FBRSL1: variants seen among roughly 807,000 people sequenced by gnomAD.
FBRSL1 encodes fibrosin-1-like protein.
Under a neutral mutation model 89.6 loss-of-function variants are expected in FBRSL1, and 51 were observed. The ratio of observed to expected loss-of-function variants is 0.57; its 90% CI spans 0.45 to 0.72. FBRSL1 has a LOEUF of 0.72. Ranked by LOEUF, FBRSL1 falls within the 30% of genes least tolerant of loss-of-function variation. The pLI is 0.00. For synonymous variants in FBRSL1, 779 were observed against 681.1 expected (o/e 1.14, Z -2.24); for missense variants, 1,618 against 1,451.8 (o/e 1.11, Z -1.86).
intron 5 of FBRSL1, chr12:132,565,512 C>CACGTACCCGAGTGTGCTCACGTAT (rs1449779111): frequency 1.1e-4 from 6 of 53,858 alleles, no homozygotes; most frequent in Admixed American, 2.9e-4. Flanking sequence ...TCCTCATGTA[C>CACGTACCCGAGTGTGCTCACGTAT]ACGTACCCGA....
At chr12:132,514,104 C>T (rs1388582620) in intron 2 of FBRSL1, among the ~76,000 whole-genome samples, 2 of 152,200 alleles carry the variant, frequency 1.3e-5, no homozygotes, top group Non-Finnish European at 2.9e-5. Context: ...GCACTGAGGA[C>T]GATGAGCTCC....
chr12:132,505,538 C>T (rs2033577470), intron 1 of FBRSL1, among the ~76,000 whole-genome samples: 1 of 152,244 alleles, frequency 6.6e-6, no homozygotes, highest in Admixed American at 6.5e-5. Context: ...ACGCTGCTGC[C>T]TGTCATGGTG....
intron 4 of FBRSL1, among the ~76,000 whole-genome samples, chr12:132,528,195 C>T (rs1357461862): frequency 6.6e-6 from 1 of 152,146 alleles, no homozygotes; most frequent in Non-Finnish European, 1.5e-5. Flanking sequence ...GGGGGTGCGT[C>T]CTGCTCACGG....
At chr12:132,580,577 A>C (rs947002562) in intron 15 of FBRSL1, among the ~76,000 whole-genome samples, 1 of 152,110 alleles carries the variant, frequency 6.6e-6, no homozygotes, top group African/African-American at 2.4e-5. Flanking sequence ...ACGCTTTGAC[A>C]AGCTGTGTTT....
chr12:132,567,134 C>T (rs1246623798), intron 5 of FBRSL1, among the ~76,000 whole-genome samples: 1 of 152,180 alleles, frequency 6.6e-6, no homozygotes, highest in East Asian at 1.9e-4. Flanking sequence ...TGCTGGTTCT[C>T]CTGGGAGGGG....
chr12:132,582,075 C>T lies in FBRSL1; in HGVS notation c.2010C>T (p.Ser670=). ...LGSHALAPGG[S]IFAPKEGSSV... ...CTCTGCCCCCAGCTCCCGGTGGCAGCATCTTTGCCCCCAAGGAGGGCTCCT... is the reference window on the plus strand; with the variant it reads ...CTCTGCCCCCAGCTCCCGGTGGCAGTATCTTTGCCCCCAAGGAGGGCTCCT... The change falls in exon 18 of 19, where the codon AGC becomes AGT. Residue 670 remains serine (S), a synonymous_variant. Transcript: ENST00000680143. 3 of 1,547,232 alleles carry T rather than the reference C, an allele frequency of 1.9e-6. No individual in the cohort carries two copies. The highest frequency in any genetic ancestry group is 2.6e-6 in the Non-Finnish European group (3 of 1,145,144).
intron 5 of FBRSL1, among the ~76,000 whole-genome samples, chr12:132,556,295 G>A (rs2038631104): frequency 6.6e-6 from 1 of 152,156 alleles, no homozygotes; most frequent in African/African-American, 2.4e-5. Flanking sequence ...GCCTTGCTCA[G>A]AGAGTGCACA....
At chr12:132,547,298 ACGGAGAACGGACAG>A (rs1368098437) in intron 4 of FBRSL1, among the ~76,000 whole-genome samples, 4 of 151,226 alleles carry the variant, frequency 2.6e-5, no homozygotes, top group African/African-American at 9.8e-5. Context: ...CTTACTGAAA[ACGGAGAACGGACAG>A]TCAGTGTGTT....
In FBRSL1 at chr12:132,570,093, G is replaced by A. The variant is rs746996855; in HGVS notation, c.859G>A (p.Val287Met). 11 of 1,486,198 alleles carry A rather than the reference G, an allele frequency of 7.4e-6. No individual in the cohort carries two copies. The South Asian group carries it at 1.1e-4, about 15-fold the overall frequency. The allele number at this position is 1,486,198 out of a possible 1,614,324, so 92.1% of individuals were successfully genotyped here. A position where few individuals can be genotyped will look rare whatever the true frequency, so the allele number is the denominator to read the frequency against. Residue 287 changes from valine to methionine, a missense_variant, in exon 7 of 19, where the codon GTG becomes ATG. Val to Met is a conservative substitution (Grantham distance 21, BLOSUM62 1). Coordinates refer to ENST00000680143, the MANE Select transcript of FBRSL1 (RefSeq NM_001367871.1). The stretch of plus-strand genomic sequence containing the variant: ...GCCCGGCTCCCGCGCCAATCCCTTG[G>A]TGAAGAAGGAACCCCCCGCCCCGCA... ...PPPGSRANPL[V>M]KKEPPAPHRH...
In FBRSL1 at chr12:132,583,622, C is replaced by T. The variant is rs2040949616; in HGVS notation, c.2853C>T (p.Ala951=). 1.0e-6 allele frequency: 1 copy of T among 994,000 alleles called. No individual in the cohort carries two copies. The highest frequency in any genetic ancestry group is 1.2e-6 in the Non-Finnish European group (1 of 836,554). The allele number at this position is 994,000 out of a possible 1,614,324, so 61.6% of individuals were successfully genotyped here. The change falls in exon 19 of 19, where the codon GCC becomes GCT. Residue 951 remains alanine, a synonymous_variant. Transcript: ENST00000680143. ...GLLARTPPAA[A]ALGAPPPLVT... ...TGGCGCGGACCCCGCCCGCCGCCGC[C>T]GCCCTCGGCGCACCGCCCCCCCTGG...
chr12:132,563,021 C>A (rs2039273409), intron 5 of FBRSL1, among the ~76,000 whole-genome samples: 2 of 141,974 alleles, frequency 1.4e-5, no homozygotes, highest in African/African-American at 5.3e-5. Context: ...ACCTGGCCCC[C>A]ACAGCCTGCA....
At chr12:132,567,379 C>A in intron 5 of FBRSL1, 102 bp from the exon 6 acceptor site, 1 of 1,184,288 alleles carries the variant, frequency 8.4e-7, no homozygotes, top group Non-Finnish European at 1.2e-6. Flanking sequence ...CCCGCCTGGC[C>A]CTGCTGGAAA....
At chr12:132,548,572 C>T (rs997247320) in intron 5 of FBRSL1, among the ~76,000 whole-genome samples, 1 of 152,224 alleles carries the variant, frequency 6.6e-6, no homozygotes, top group Non-Finnish European at 1.5e-5. Flanking sequence ...CCCTGAGCCA[C>T]GTCCCCTCAG....
intron 5 of FBRSL1, among the ~76,000 whole-genome samples, chr12:132,559,835 C>A (rs1156591517): frequency 2.0e-5 from 3 of 151,858 alleles, no homozygotes; most frequent in African/African-American, 7.2e-5. Flanking sequence ...CCCGGGTGGC[C>A]GTGATCGGAG....
At chr12:132,527,086 TC>T (rs940586498) in intron 3 of FBRSL1, among the ~76,000 whole-genome samples, 4 of 151,200 alleles carry the variant, frequency 2.6e-5, no homozygotes, top group African/African-American at 9.7e-5. Context: ...CCAGCTACCA[TC>T]CCCCAGCCCC....
chr12:132,554,645 C>T (rs567502040), intron 5 of FBRSL1: 1 of 152,170 alleles, frequency 6.6e-6, no homozygotes, highest in African/African-American at 2.4e-5. Context: ...AAAACCCCGT[C>T]TCTACTAAAA....
In FBRSL1 at chr12:132,510,308, G is replaced by A. The variant is rs961351323; in HGVS notation, c.489+1958G>A. 7 of 1,230,464 alleles carry A rather than the reference G, an allele frequency of 5.7e-6. No individual in the cohort carries two copies. The African/African-American group carries it at 9.3e-5, about 16-fold the overall frequency. 76.2% of individuals were successfully genotyped at this position (1,230,464 alleles called of 1,614,324 possible). A position where few individuals can be genotyped will look rare whatever the true frequency, so the allele number is the denominator to read the frequency against. ...TGTGCCAGCCGCGGCGGTCCCTATT[G>A]GATCTGGTGCCGGCCCGTCAGCCCC... On this transcript the variant is annotated intron_variant, in intron 2 of 18. Transcript: ENST00000680143.
Position 132,583,442 on chromosome 12 carries a change from C to G in FBRSL1, c.2673C>G (p.His891Gln). The change falls in exon 19 of 19, where the codon CAC (histidine) becomes CAG (glutamine). Residue 891 changes from histidine to glutamine, a missense_variant. By Grantham distance (24) the His-to-Gln change is conservative. Transcript: ENST00000680143. ...PERPYRDREP[H>Q]GYSPERLRGE... ...GCCCCTACCGCGACCGCGAGCCCCA[C>G]GGCTACAGCCCCGAGCGCCTGCGCG... 9.3e-7 allele frequency: 1 copy of G among 1,069,772 alleles called. No individual in the cohort carries two copies. The highest frequency in any genetic ancestry group is 1.1e-6 in the Non-Finnish European group (1 of 882,444). 66.3% of individuals were successfully genotyped at this position (1,069,772 alleles called of 1,614,324 possible). A position where few individuals can be genotyped will look rare whatever the true frequency, so the allele number is the denominator to read the frequency against.
At chr12:132,532,373 C>T (rs2036360757) in intron 4 of FBRSL1, among the ~76,000 whole-genome samples, 1 of 152,214 alleles carries the variant, frequency 6.6e-6, no homozygotes, top group African/African-American at 2.4e-5. Context: ...CGGCCATGCC[C>T]ACCCAGAATT....
Sources: gnomAD v4.1 joint callset for allele counts (sites outside exome capture counted in the v4.1 genomes callset) on GRCh38, gnomAD v4.1.1 for gene constraint, MANE v1.5 for transcripts, NCBI Gene and HGNC (gene_info 2026-07-23, HGNC 2026-07-21) for gene names.